The following AK7 variants were observed in gnomAD, a reference collection of about 807,000 sequenced individuals.
AK7 encodes the protein adenylate kinase 7.
In AK7, 78 loss-of-function variants were observed where a neutral mutation model predicts 96.6. The ratio of observed to expected loss-of-function variants is 0.81; its 90% CI spans 0.67 to 0.97. The LOEUF is 0.97. AK7 is among the 50% of genes least tolerant of loss of function. The pLI, the probability that AK7 is intolerant of heterozygous loss-of-function variation, is 0.00. For synonymous variants in AK7, 302 were observed against 317.2 expected (o/e 0.95, Z 0.51); for missense variants, 855 against 887.9 (o/e 0.96, Z 0.47).
intron 5 of AK7, among the ~76,000 whole-genome samples, chr14:96,425,681 A>G (rs1242664424): frequency 2.0e-5 from 3 of 152,052 alleles, no homozygotes; most frequent in East Asian, 1.9e-4. Context: ...ACAGGGTTTC[A>G]CCATGCTGGC....
intron 16 of AK7, among the ~76,000 whole-genome samples, chr14:96,485,764 G>C (rs1895730051): frequency 6.6e-6 from 1 of 150,424 alleles, no homozygotes; most frequent in Admixed American, 6.6e-5. Context: ...TGCTAAGAAA[G>C]ACCTCCTTTC....
rs10133104 is a variant in AK7, at chr14:96,431,510, G to A, written c.610-6325G>A. Among the ~76,000 whole-genome samples, 283 of 152,184 alleles carry A rather than the reference G, an allele frequency of 1.9e-3. 1 individual carries two copies. Among genetic ancestry groups the A allele is most frequent in the African/African-American group, 6.2e-3 (256 of 41,520 alleles). On this transcript the variant is annotated intron_variant, in intron 5 of 17. Coordinates refer to ENST00000267584, the MANE Select transcript of AK7 (RefSeq NM_152327.5). ...ACATCTTTATTTATGCCTTCGTTTC[G>A]TTATTTACCCAGTAGTCATTCAGGA...
intron 5 of AK7, among the ~76,000 whole-genome samples, chr14:96,436,512 G>A (rs909642810): frequency 6.6e-6 from 1 of 152,156 alleles, no homozygotes; most frequent in African/African-American, 2.4e-5. Context: ...GGGCATGGTG[G>A]TTCTCACCTG....
At chr14:96,486,764 T>G (rs1254637302) in intron 16 of AK7, 134 bp from the exon 17 acceptor site, 1 of 717,042 alleles carries the variant, frequency 1.4e-6, no homozygotes, top group Non-Finnish European at 2.2e-6. Context: ...TTTTCTCTGC[T>G]GATTGGAAAT....
chr14:96,393,620 T>TG (rs1889883486), intron 1 of AK7, among the ~76,000 whole-genome samples: 1 of 152,172 alleles, frequency 6.6e-6, no homozygotes, highest in Non-Finnish European at 1.5e-5. Flanking sequence ...CCTGTGTCTC[T>TG]GTGTCAAAAC....
intron 12 of AK7, among the ~76,000 whole-genome samples, chr14:96,459,906 A>G (rs1894161115): frequency 6.6e-6 from 1 of 152,142 alleles, no homozygotes; most frequent in African/African-American, 2.4e-5. Context: ...AAAAAAATGG[A>G]TTAATGAAAT....
intron 12 of AK7, among the ~76,000 whole-genome samples, chr14:96,469,188 T>C (rs1486207254): frequency 2.0e-5 from 3 of 152,224 alleles, no homozygotes; most frequent in Non-Finnish European, 4.4e-5. Context: ...ATTTCTAGAT[T>C]AAGTGCCTTT....
At chr14:96,439,890 C>T (rs1266776556) in intron 6 of AK7, among the ~76,000 whole-genome samples, 2 of 151,936 alleles carry the variant, frequency 1.3e-5, no homozygotes, top group East Asian at 3.9e-4. Flanking sequence ...GAGGGGGGTG[C>T]AAAGAAAGAA....
At chr14:96,408,148 C>A (rs538816213) in intron 3 of AK7, among the ~76,000 whole-genome samples, 1 of 152,318 alleles carries the variant, frequency 6.6e-6, no homozygotes, top group South Asian at 2.1e-4. Context: ...GGGCACACCC[C>A]GAATTACTTC....
intron 4 of AK7, among the ~76,000 whole-genome samples, chr14:96,418,238 C>T (rs1037497748): frequency 1.4e-5 from 2 of 145,456 alleles, no homozygotes; most frequent in African/African-American, 5.1e-5. Context: ...TAGGTGGACT[C>T]AGCTGTTCCC....
At chr14:96,406,935 G>A (rs1890745456) in intron 3 of AK7, among the ~76,000 whole-genome samples, 1 of 152,102 alleles carries the variant, frequency 6.6e-6, no homozygotes, top group African/African-American at 2.4e-5. Context: ...GCCTCCAACA[G>A]GGCTGGGATT....
chr14:96,471,457 A>T, intron 12 of AK7, 21 bp from the exon 13 acceptor site: 1 of 1,293,016 alleles, frequency 7.7e-7, no homozygotes, highest in Middle Eastern at 2.1e-4. Context: ...AGTAATATAT[A>T]CATATATGTT....
At chr14:96,393,544 TA>T (rs1196799468) in intron 1 of AK7, among the ~76,000 whole-genome samples, 1 of 152,184 alleles carries the variant, frequency 6.6e-6, no homozygotes, top group Admixed American at 6.5e-5. Flanking sequence ...TAGTTGCCAA[TA>T]ATTCTTGGCA....
intron 8 of AK7, among the ~76,000 whole-genome samples, chr14:96,448,126 CAAAAAAAAAA>C (rs557075450): frequency 1.2e-5 from 1 of 81,944 alleles, no homozygotes; most frequent in East Asian, 3.5e-4. Flanking sequence ...GAGACCCTGT[CAAAAAAAAAA>C]AAAAAAGAAA....
rs897043403 is a variant in AK7, at chr14:96,415,520, GA to G, written c.499-5296del. On this transcript the variant is annotated intron_variant, in intron 4 of 17. Transcript: ENST00000267584. The stretch of plus-strand genomic sequence containing the variant: ...AACTCTTGGAAAAAAGAAAAACAAA[GA>G]AAAAACAGCAGAGGCAGGCCAGCCC... 5.3e-4 allele frequency among the ~76,000 whole-genome samples: 80 copies of G among 151,818 alleles called. 2 individuals are homozygous for G. Among genetic ancestry groups the G allele is most frequent in the African/African-American group, 1.8e-3 (76 of 41,462 alleles).
intron 14 of AK7, among the ~76,000 whole-genome samples, chr14:96,474,955 T>C (rs1034942996): frequency 6.6e-6 from 1 of 152,178 alleles, no homozygotes; most frequent in Non-Finnish European, 1.5e-5. Context: ...CACTCACTAG[T>C]AAATGGTAGG....
rs540461776 is a variant in AK7, at chr14:96,484,467, C to G, written c.1974+1248C>G. On this transcript the variant is annotated intron_variant, in intron 16 of 17. Coordinates refer to ENST00000267584, the MANE Select transcript of AK7 (RefSeq NM_152327.5). ...CTCTGCTTACAACTCCTCACAGGCT[C>G]TCAATTATCACAATTTGATAAAAAT... Among the ~76,000 whole-genome samples the G allele has an allele frequency of 4.6e-5, 7 of 152,298 alleles. No homozygotes were observed. The South Asian group carries it at 1.4e-3, about 32-fold the overall frequency.
intron 5 of AK7, among the ~76,000 whole-genome samples, chr14:96,425,480 A>ATTTTTTTTT (rs35861988): frequency 2.5e-5 from 3 of 119,142 alleles, no homozygotes; most frequent in African/African-American, 3.2e-5. Flanking sequence ...AGTCACACTG[A>ATTTTTTTTT]TTTTTTTTTT....
intron 12 of AK7, among the ~76,000 whole-genome samples, chr14:96,459,973 G>A (rs1894164712): frequency 6.6e-6 from 1 of 152,210 alleles, no homozygotes; most frequent in South Asian, 2.1e-4. Flanking sequence ...TTCTTACTCA[G>A]TGATTCATTG....
Sources: allele counts gnomAD v4.1 joint callset (sites outside exome capture counted in the v4.1 genomes callset), GRCh38; gene constraint gnomAD v4.1.1; transcripts MANE v1.5; gene names NCBI Gene and HGNC (gene_info 2026-07-23, HGNC 2026-07-21).